Variants in DNAH6 observed in about 807,000 individuals in gnomAD.
DNAH6 encodes the protein axonemal beta dynein heavy chain 6.
DNAH6 carries 340 observed loss-of-function variants against 491.4 expected under a neutral mutation model. That is an observed-to-expected ratio of 0.69 (90% CI 0.63 to 0.76). The LOEUF (loss-of-function observed/expected upper bound fraction) is 0.76, where lower values mean the gene tolerates loss of function less well. Among genes scored for constraint, DNAH6 ranks in the 30% least tolerant of loss-of-function variants. The pLI, the probability that DNAH6 is intolerant of heterozygous loss-of-function variation, is 0.00. For missense variants in DNAH6, 4,443 were observed against 4,972.2 expected (o/e 0.89, Z 3.20); for synonymous variants, 1,603 against 1,686.1 (o/e 0.95, Z 1.21).
intron 63 of DNAH6, among the ~76,000 whole-genome samples, chr2:84,753,245 G>A (rs920949115): frequency 3.9e-5 from 6 of 152,052 alleles, no homozygotes; most frequent in Admixed American, 6.5e-5. Context: ...TCATGCAGTT[G>A]TAAAAGGTTT....
At chr2:84,647,312 G>GT (rs1334442650) in intron 33 of DNAH6, among the ~76,000 whole-genome samples, 1 of 152,202 alleles carries the variant, frequency 6.6e-6, no homozygotes, top group Admixed American at 6.5e-5. Flanking sequence ...AGAGGCTGCA[G>GT]TAAGTTATCC....
intron 31 of DNAH6, among the ~76,000 whole-genome samples, chr2:84,639,921 C>T (rs916779045): frequency 2.0e-5 from 3 of 152,166 alleles, no homozygotes; most frequent in Admixed American, 6.5e-5. Context: ...CACTAAGCAT[C>T]ATCTGATTAA....
chr2:84,616,867 A>G lies in DNAH6; in HGVS notation c.3476-19A>G. The G allele has an allele frequency of 7.9e-7, 1 of 1,265,312 alleles. No individual in the cohort carries two copies. The highest frequency in any genetic ancestry group is 1.0e-6 in the Non-Finnish European group (1 of 954,372). The allele number at this position is 1,265,312 out of a possible 1,614,324, so 78.4% of individuals were successfully genotyped here. Reference sequence around the variant, plus strand: ...ATTTTAACACAGTTTTACCAATACTATTTTTTTTTAATGAACAGGACTTCT... The same window carrying G: ...ATTTTAACACAGTTTTACCAATACTGTTTTTTTTTAATGAACAGGACTTCT... On this transcript the variant is annotated intron_variant, in intron 22 of 76. Transcript: ENST00000389394.
At chr2:84,688,158 C>G (rs1295435550) in intron 44 of DNAH6, among the ~76,000 whole-genome samples, 1 of 149,946 alleles carries the variant, frequency 6.7e-6, no homozygotes, top group Non-Finnish European at 1.5e-5. Context: ...TCACTTGAAC[C>G]AAGGAGGCGA....
chr2:84,715,116 A>G lies in DNAH6; in HGVS notation c.9544-444A>G, dbSNP rs181472337. Among the ~76,000 whole-genome samples the G allele has an allele frequency of 9.9e-4, 150 of 152,174 alleles. 1 individual carries two copies. The highest frequency in any genetic ancestry group is 3.5e-3 in the African/African-American group (145 of 41,530). On this transcript the variant is annotated intron_variant, in intron 57 of 76. Transcript: ENST00000389394. Reference sequence around the variant, plus strand: ...TCATAAGTAACTAAGTGATTTTATTACCTCATTTGGTTCTCACGGCTACCC... The same window carrying G: ...TCATAAGTAACTAAGTGATTTTATTGCCTCATTTGGTTCTCACGGCTACCC...
intron 60 of DNAH6, among the ~76,000 whole-genome samples, chr2:84,726,233 G>C (rs1210755113): frequency 6.6e-6 from 1 of 152,096 alleles, no homozygotes; most frequent in African/African-American, 2.4e-5. Context: ...GTTTTGATTG[G>C]TCTGCCCTCA....
intron 18 of DNAH6, among the ~76,000 whole-genome samples, chr2:84,603,982 G>T (rs553658460): frequency 6.6e-6 from 1 of 152,012 alleles, no homozygotes; most frequent in Non-Finnish European, 1.5e-5. Flanking sequence ...ATTCTACCCC[G>T]CACTTAATAT....
chr2:84,570,350 A>G (rs557634301), intron 11 of DNAH6, among the ~76,000 whole-genome samples: 1 of 152,056 alleles, frequency 6.6e-6, no homozygotes, highest in African/African-American at 2.4e-5. Flanking sequence ...AAATGCACCA[A>G]TCATTGCTCT....
chr2:84,529,022 A>G lies in DNAH6; in HGVS notation c.518A>G (p.His173Arg), dbSNP rs889547134. ...RSSAYPKYTF[H>R]DREEVVKANI... is the part of the protein sequence containing the mutation. The stretch of plus-strand genomic sequence containing the variant: ...TCAGCTTACCCTAAGTACACTTTTC[A>G]CGACCGAGAAGAAGTTGTTAAAGCC... Residue 173 changes from histidine (H) to arginine (R), a missense_variant, in exon 4 of 77, where the codon CAC (histidine) becomes CGC (arginine). Physicochemically the swap from His to Arg is conservative, Grantham distance 29. This residue lies in a region of DNAH6 where 2,977 missense variants were observed against 3,296.6 expected (regional missense o/e 0.90). Coordinates refer to ENST00000389394, the MANE Select transcript of DNAH6 (RefSeq NM_001370.2). 6 of 1,551,372 alleles carry G rather than the reference A, an allele frequency of 3.9e-6. No homozygotes were observed. Among genetic ancestry groups the G allele is most frequent in the Middle Eastern group, 3.3e-4 (2 of 6,010 alleles).
the DNAH6 span, among the ~76,000 whole-genome samples, chr2:84,510,394 C>T: frequency 1.2e-4 from 18 of 152,324 alleles, no homozygotes; most frequent in East Asian, 3.9e-4. Flanking sequence ...GCATTCGTCA[C>T]GTAGTTCTCG....
chr2:84,708,613 AAGAG>A (rs1474661237), intron 54 of DNAH6, among the ~76,000 whole-genome samples: 1 of 150,956 alleles, frequency 6.6e-6, no homozygotes, highest in Non-Finnish European at 1.5e-5. Flanking sequence ...GAAGGAAGGA[AAGAG>A]AGGGAGATAG....
the DNAH6 span, among the ~76,000 whole-genome samples, chr2:84,494,393 G>T: frequency 6.6e-6 from 1 of 152,172 alleles, no homozygotes; most frequent in Non-Finnish European, 1.5e-5. Context: ...ATTTCTAGAT[G>T]AAGGGGAATC....
At chr2:84,629,705 A>AT (rs1688217520) in intron 29 of DNAH6, among the ~76,000 whole-genome samples, 1 of 152,184 alleles carries the variant, frequency 6.6e-6, no homozygotes, top group African/African-American at 2.4e-5. Flanking sequence ...AAAAATAGTG[A>AT]TCACCTCTAG....
Position 84,813,147 on chromosome 2 carries a change from G to C in DNAH6, c.11998+17G>C. 2.6e-6 allele frequency: 4 copies of C among 1,539,612 alleles called. No homozygotes were observed. Among genetic ancestry groups the C allele is most frequent in the Non-Finnish European group, 3.5e-6 (4 of 1,136,688 alleles). ...TTCTAACAGGTACCAGCGCTTTCTA[G>C]AAAAACCCCATAGGAATGGCCATGA... On this transcript the variant is annotated intron_variant, in intron 74 of 76. Coordinates refer to ENST00000389394, the MANE Select transcript of DNAH6 (RefSeq NM_001370.2).
chr2:84,760,255 G>A lies in DNAH6; in HGVS notation c.10513-2500G>A, dbSNP rs1028480188. 9.2e-5 allele frequency among the ~76,000 whole-genome samples: 14 copies of A among 152,120 alleles called. No homozygotes were observed. The South Asian group carries it at 1.9e-3, about 20-fold the overall frequency. ...GAAACTCTTCTTGACATTGGTCTAG[G>A]CAAAGAATTAATGACTAAGACCTCA... On this transcript the variant is annotated intron_variant, in intron 63 of 76. Transcript: ENST00000389394.
intron 63 of DNAH6, among the ~76,000 whole-genome samples, chr2:84,753,170 T>C (rs757190992): frequency 5.3e-5 from 8 of 152,234 alleles, no homozygotes; most frequent in Non-Finnish European, 1.0e-4. Context: ...TTGTGCTTTT[T>C]GGCTATTTGT....
intron 64 of DNAH6, among the ~76,000 whole-genome samples, chr2:84,778,449 A>G (rs1017003881): frequency 5.3e-5 from 8 of 150,952 alleles, no homozygotes; most frequent in African/African-American, 4.9e-5. Context: ...AGTTCCTCTA[A>G]TTGCAATATT....
chr2:84,552,848 C>G, intron 9 of DNAH6, 70 bp from the exon 10 acceptor site: 1 of 812,346 alleles, frequency 1.2e-6, no homozygotes, highest in East Asian at 2.8e-5. Context: ...TTACATGTCC[C>G]TTGTTTTTTT....
the DNAH6 span, among the ~76,000 whole-genome samples, chr2:84,472,939 G>A: frequency 2.0e-5 from 3 of 152,118 alleles, no homozygotes; most frequent in Non-Finnish European, 4.4e-5. Context: ...AGGCTGAATC[G>A]GAAACAATGT....
Sources: gnomAD v4.1 joint callset for allele counts (sites outside exome capture counted in the v4.1 genomes callset) on GRCh38, gnomAD v4.1.1 for gene constraint, gnomAD v4.1.1 regional missense constraint, MANE v1.5 for transcripts, NCBI Gene and HGNC (gene_info 2026-07-23, HGNC 2026-07-21) for gene names.